Variants in NR6A1 observed in about 807,000 individuals in gnomAD.
The protein encoded by NR6A1 is nuclear receptor subfamily 6 group A member 1, also known as retinoic acid receptor-related testis-associated receptor.
Under a neutral mutation model 59.1 loss-of-function variants are expected in NR6A1, and 7 were observed. The ratio of observed to expected loss-of-function variants is 0.12; its 90% CI spans 0.07 to 0.22. The LOEUF (loss-of-function observed/expected upper bound fraction) is 0.22. NR6A1 is among the 10% of genes least tolerant of loss of function. The pLI is 1.00. For missense variants in NR6A1, 468 were observed against 611.6 expected (o/e 0.77, Z 2.48); for synonymous variants, 243 against 236.1 (o/e 1.03, Z -0.27).
chr9:124,606,050 T>C (rs1835568221), intron 2 of NR6A1, among the ~76,000 whole-genome samples: 3 of 152,318 alleles, frequency 2.0e-5, no homozygotes, highest in Admixed American at 2.0e-4. Context: ...TTAAAACCTT[T>C]CACGGCCTTC....
intron 1 of NR6A1, among the ~76,000 whole-genome samples, chr9:124,749,262 CAAAA>C (rs775689576): frequency 1.1e-5 from 1 of 94,798 alleles, no homozygotes; most frequent in Admixed American, 1.1e-4. Context: ...AACTCCATTT[CAAAA>C]AAAAAAAAAA....
intron 2 of NR6A1, among the ~76,000 whole-genome samples, chr9:124,711,187 TA>T (rs58609931): frequency 0.076 from 5,034 of 66,414 alleles, 221 homozygotes; most frequent in African/African-American, 0.23. Context: ...AGCTAAGGTT[TA>T]AAAAAAAAAA....
At chr9:124,700,144 C>T (rs1259161507) in intron 2 of NR6A1, among the ~76,000 whole-genome samples, 1 of 152,018 alleles carries the variant, frequency 6.6e-6, no homozygotes, top group Non-Finnish European at 1.5e-5. Context: ...GTCACCACGC[C>T]CAGCCTCTGG....
At chr9:124,551,780 T>G (rs1833784699) in intron 3 of NR6A1, among the ~76,000 whole-genome samples, 1 of 152,216 alleles carries the variant, frequency 6.6e-6, no homozygotes, top group African/African-American at 2.4e-5. Context: ...TATTTTTTTG[T>G]GGTGTAAAGT....
At chr9:124,729,346 T>C (rs1417387706) in intron 2 of NR6A1, among the ~76,000 whole-genome samples, 2 of 152,246 alleles carry the variant, frequency 1.3e-5, no homozygotes, top group African/African-American at 4.8e-5. Context: ...ATTTTTATAT[T>C]TGTAAAGTAA....
intron 2 of NR6A1, among the ~76,000 whole-genome samples, chr9:124,627,793 G>A (rs552318821): frequency 6.0e-5 from 9 of 150,586 alleles, no homozygotes; most frequent in South Asian, 2.1e-4. Flanking sequence ...AGCTGGTCTC[G>A]AACTCCTGGA....
At chr9:124,559,003 T>C (rs923152544) in intron 2 of NR6A1, among the ~76,000 whole-genome samples, 1 of 152,216 alleles carries the variant, frequency 6.6e-6, no homozygotes, top group Non-Finnish European at 1.5e-5. Flanking sequence ...TTACATGCAT[T>C]ATCTTGCTGG....
intron 2 of NR6A1, among the ~76,000 whole-genome samples, chr9:124,612,556 C>T (rs1156710893): frequency 6.6e-6 from 1 of 152,134 alleles, no homozygotes; most frequent in Admixed American, 6.5e-5. Flanking sequence ...AGGGGGAGCT[C>T]ACATCTGAGC....
chr9:124,632,161 T>A (rs1836464514), intron 2 of NR6A1, among the ~76,000 whole-genome samples: 1 of 152,226 alleles, frequency 6.6e-6, no homozygotes, highest in Middle Eastern at 3.2e-3. Context: ...ATAGAATGAT[T>A]TATATTCCTT....
chr9:124,622,605 C>T (rs1836108910), intron 2 of NR6A1, among the ~76,000 whole-genome samples: 1 of 152,078 alleles, frequency 6.6e-6, no homozygotes, highest in African/African-American at 2.4e-5. Context: ...TACTGAACCA[C>T]TATAACGTAT....
At position 124,771,064 on chromosome 9, in the gene NR6A1, C is replaced by T. The variant is rs1365665841; in HGVS notation, c.56G>A (p.Gly19Glu). Reference sequence around the variant, plus strand: ...GAGCGCGGCGGGAGGCTCCAGGAACCCCGCCGAGCCCCCGCCGCCTCCCCC... The same window carrying T: ...GAGCGCGGCGGGAGGCTCCAGGAACTCCGCCGAGCCCCCGCCGCCTCCCCC... ...SGGGGGGGSA[G>E]FLEPPAALPP... Residue 19 changes from glycine to glutamate, a missense_variant, in exon 1 of 10, where the codon GGG becomes GAG. Around this residue, in one of 4 missense-constraint regions of NR6A1, gnomAD observed 75 missense variants for 65.6 expected, o/e 1.14. Coordinates refer to ENST00000487099, the MANE Select transcript of NR6A1 (RefSeq NM_033334.4). 31 of 1,230,474 alleles carry T rather than the reference C, an allele frequency of 2.5e-5. No homozygotes were observed. The highest frequency in any genetic ancestry group is 3.2e-5 in the East Asian group (1 of 31,614). 76.2% of individuals were successfully genotyped at this position (1,230,474 alleles called of 1,614,324 possible). A position where few individuals can be genotyped will look rare whatever the true frequency, so the allele number is the denominator to read the frequency against.
At chr9:124,692,541 T>G (rs368321988) in intron 2 of NR6A1, 1 of 523,764 alleles carries the variant, frequency 1.9e-6, no homozygotes, top group Non-Finnish European at 3.9e-6. Context: ...GACTGTACCT[T>G]GGGGTCCTTA....
At chr9:124,763,105 CT>C (rs1203990486) in intron 1 of NR6A1, among the ~76,000 whole-genome samples, 34 of 152,198 alleles carry the variant, frequency 2.2e-4, no homozygotes, top group African/African-American at 8.0e-4. Context: ...AGCACTTTGT[CT>C]TAAAACAACC....
chr9:124,751,676 T>A (rs949180348), intron 1 of NR6A1, among the ~76,000 whole-genome samples: 1 of 152,188 alleles, frequency 6.6e-6, no homozygotes, highest in Non-Finnish European at 1.5e-5. Context: ...AAAAATCTAT[T>A]AGAAACGGGT....
At chr9:124,751,019 G>A (rs539166657) in intron 1 of NR6A1, among the ~76,000 whole-genome samples, 1 of 151,748 alleles carries the variant, frequency 6.6e-6, no homozygotes, top group Non-Finnish European at 1.5e-5. Flanking sequence ...ACACATTTGG[G>A]TCTGAGTCCC....
chr9:124,605,096 T>C (rs1405779683), intron 2 of NR6A1, among the ~76,000 whole-genome samples: 3 of 152,196 alleles, frequency 2.0e-5, no homozygotes, highest in African/African-American at 4.8e-5. Flanking sequence ...CCCCATGAAG[T>C]AGTCTTGCCA....
intron 1 of NR6A1, among the ~76,000 whole-genome samples, chr9:124,768,847 T>C (rs1163463238): frequency 1.3e-5 from 2 of 152,236 alleles, no homozygotes; most frequent in African/African-American, 2.4e-5. Flanking sequence ...GCAGTAAATA[T>C]TGAATTGCAG....
intron 2 of NR6A1, among the ~76,000 whole-genome samples, chr9:124,629,108 C>T (rs142328616): frequency 1.2e-4 from 19 of 152,246 alleles, no homozygotes; most frequent in Middle Eastern, 3.4e-3. Context: ...AGGATTCATC[C>T]TTAATTCACA....
chr9:124,601,742 C>T (rs1264832050), intron 2 of NR6A1, among the ~76,000 whole-genome samples: 2 of 151,736 alleles, frequency 1.3e-5, no homozygotes, highest in Non-Finnish European at 2.9e-5. Context: ...GTGTGTGGAT[C>T]GTTTGAGCTC....
Sources: allele counts gnomAD v4.1 joint callset (sites outside exome capture counted in the v4.1 genomes callset), GRCh38; gene constraint gnomAD v4.1.1; regional missense constraint gnomAD v4.1.1; transcripts MANE v1.5; gene names NCBI Gene and HGNC (gene_info 2026-07-23, HGNC 2026-07-21).